Variants in SDK1 observed in about 807,000 individuals in gnomAD.
SDK1 encodes the protein sidekick cell adhesion molecule 1, also known as protein sidekick-1.
In SDK1, 157 loss-of-function variants were observed where a neutral mutation model predicts 245.5. That is an observed-to-expected ratio of 0.64 (90% CI 0.56 to 0.73). SDK1 has a LOEUF of 0.73. Among genes scored for constraint, SDK1 ranks in the 30% least tolerant of loss-of-function variants. The pLI is 0.00. For synonymous variants in SDK1, 1,647 were observed against 1,278.5 expected, an observed-to-expected ratio of 1.29 and a Z score of -6.15; for missense variants, 3,583 against 3,002.3, an observed-to-expected ratio of 1.19 and a Z score of -4.52.
At chr7:3,980,281 C>T (rs920224544) in intron 13 of SDK1, among the ~76,000 whole-genome samples, 3 of 152,236 alleles carry the variant, frequency 2.0e-5, no homozygotes, top group African/African-American at 4.8e-5. Context: ...ATCTCTCTCC[C>T]GTACTGTTGG....
rs145500628 is a variant in SDK1, at chr7:4,161,816, C to T, written c.4760C>T (p.Ala1587Val). The T allele has an allele frequency of 1.3e-3, 2,127 of 1,614,036 alleles. 3 individuals carry two copies. Among genetic ancestry groups the T allele is most frequent in the African/African-American group, 2.1e-3 (154 of 75,048 alleles). The change falls in exon 32 of 45, where the codon GCG becomes GTG. Residue 1587 changes from alanine to valine, a missense_variant. Coordinates refer to ENST00000404826, the MANE Select transcript of SDK1 (RefSeq NM_152744.4). ...GGAGAGCCCCCGGGATCTGTCTCAG[C>T]GACGCCACACACCACGTCCTCTGTC... ...VPGEPPGSVS[A>V]TPHTTSSVLI... is the part of the protein sequence containing the mutation.
At chr7:3,898,769 T>A (rs1299156208) in intron 5 of SDK1, among the ~76,000 whole-genome samples, 1 of 152,182 alleles carries the variant, frequency 6.6e-6, no homozygotes, top group Non-Finnish European at 1.5e-5. Flanking sequence ...GTCTTAGTAA[T>A]TAGAGCTCGT....
chr7:3,998,661 A>G (rs577346078), intron 14 of SDK1, among the ~76,000 whole-genome samples: 1 of 152,290 alleles, frequency 6.6e-6, no homozygotes, highest in East Asian at 1.9e-4. Context: ...CAAACCTGAA[A>G]TAATGTACTT....
intron 5 of SDK1, among the ~76,000 whole-genome samples, chr7:3,932,801 T>A (rs1019183694): frequency 7.2e-5 from 11 of 152,122 alleles, no homozygotes; most frequent in Admixed American, 2.0e-4. Context: ...TTCCCAGAGA[T>A]AGACAGGAGA....
At chr7:3,435,321 C>CTTTTTTTTTTTTTTTTTTTTTTTTTT (rs71029672) in intron 1 of SDK1, among the ~76,000 whole-genome samples, 4 of 56,898 alleles carry the variant, frequency 7.0e-5, no homozygotes, top group African/African-American at 1.8e-4. Flanking sequence ...AGGGGACTGC[C>CTTTTTTTTTTTTTTTTTTTTTTTTTT]TTTTTTTTTT....
At chr7:3,487,947 T>G (rs1781753399) in intron 1 of SDK1, among the ~76,000 whole-genome samples, 2 of 152,122 alleles carry the variant, frequency 1.3e-5, no homozygotes, top group South Asian at 2.1e-4. Flanking sequence ...TTTAAGTGTT[T>G]GTAGCATCTG....
chr7:3,692,671 G>C (rs567454671), intron 4 of SDK1, among the ~76,000 whole-genome samples: 3 of 151,174 alleles, frequency 2.0e-5, no homozygotes, highest in Admixed American at 6.6e-5. Context: ...GAATTACTTG[G>C]TCAAAGGGTA....
intron 1 of SDK1, among the ~76,000 whole-genome samples, chr7:3,392,912 C>T (rs1244077533): frequency 2.0e-5 from 3 of 149,724 alleles, no homozygotes; most frequent in Non-Finnish European, 3.0e-5. Context: ...GCAAATATTG[C>T]TCATGATGAA....
intron 3 of SDK1, among the ~76,000 whole-genome samples, chr7:3,641,350 C>A (rs1782641650): frequency 1.3e-5 from 2 of 152,090 alleles, no homozygotes; most frequent in South Asian, 2.1e-4. Context: ...TGTCCTATGA[C>A]CCCATTTTTT....
intron 4 of SDK1, among the ~76,000 whole-genome samples, chr7:3,669,781 G>A (rs1398600063): frequency 6.6e-6 from 1 of 152,148 alleles, no homozygotes; most frequent in Non-Finnish European, 1.5e-5. Flanking sequence ...TCAAACCTAT[G>A]TATTCAACAG....
intron 1 of SDK1, among the ~76,000 whole-genome samples, chr7:3,416,267 A>G (rs1192843347): frequency 1.3e-5 from 2 of 152,122 alleles, no homozygotes; most frequent in African/African-American, 4.8e-5. Flanking sequence ...CATATTACTA[A>G]AAGTTTTTGC....
At chr7:3,571,079 C>T (rs996940288) in intron 1 of SDK1, among the ~76,000 whole-genome samples, 1 of 151,942 alleles carries the variant, frequency 6.6e-6, no homozygotes, top group Non-Finnish European at 1.5e-5. Flanking sequence ...TTGAGATGTT[C>T]ATTTTTAAAA....
At position 4,026,005 on chromosome 7, in the gene SDK1, T is replaced by G. The variant is rs1211763457; in HGVS notation, c.2602+8653T>G. On this transcript the variant is annotated intron_variant, in intron 17 of 44. Transcript: ENST00000404826. This position sits in a 1 kb window ranked among gnomAD's most constrained non-coding sequence, Gnocchi z 4.1. ...CTGCTGGAAATGCTGAATCCGGGAC[T>G]GCAGCCCAGAAGGCGCATGGGGAAA... is the stretch of plus-strand genomic sequence containing the variant. Among the ~76,000 whole-genome samples, 2 of 152,222 alleles carry G rather than the reference T, an allele frequency of 1.3e-5. No individual in the cohort carries two copies. The highest frequency in any genetic ancestry group is 2.9e-5 in the Non-Finnish European group (2 of 68,042).
intron 1 of SDK1, among the ~76,000 whole-genome samples, chr7:3,432,279 C>G (rs936512254): frequency 2.0e-5 from 3 of 151,698 alleles, no homozygotes; most frequent in Non-Finnish European, 2.9e-5. Context: ...TTAGTATCAT[C>G]AAATTGGTCG....
chr7:4,017,201 C>T lies in SDK1; in HGVS notation c.2451C>T (p.Tyr817=). ...GCCTGGCTGGCCTTCCCGGAGAGTA[C>T]CAGCAGCGGAACATCACCAGCCCGG... ...RYRLAGLPGE[Y]QQRNITSPEV... Residue 817 remains tyrosine (Y), a synonymous_variant, in exon 17 of 45, where the codon TAC becomes TAT. Transcript: ENST00000404826. 1 of 1,613,410 alleles carries T rather than the reference C, an allele frequency of 6.2e-7. No individual in the cohort carries two copies. The highest frequency in any genetic ancestry group is 8.5e-7 in the Non-Finnish European group (1 of 1,179,648).
At chr7:3,574,094 A>C (rs1330629689) in intron 1 of SDK1, among the ~76,000 whole-genome samples, 1 of 151,376 alleles carries the variant, frequency 6.6e-6, no homozygotes, top group Non-Finnish European at 1.5e-5. Flanking sequence ...CTTCCTGATC[A>C]GACTAGACAT....
At chr7:4,016,833 T>C (rs1164824707) in intron 16 of SDK1, among the ~76,000 whole-genome samples, 1 of 152,148 alleles carries the variant, frequency 6.6e-6, no homozygotes, top group African/African-American at 2.4e-5. Flanking sequence ...TCAAACTGAT[T>C]TACAGCAACT....
intron 5 of SDK1, among the ~76,000 whole-genome samples, chr7:3,915,700 C>T (rs1779351000): frequency 6.6e-6 from 1 of 152,122 alleles, no homozygotes. Context: ...ACTAACCAAG[C>T]ACCCTCTGTG....
chr7:3,348,675 A>C (rs147118141), intron 1 of SDK1, among the ~76,000 whole-genome samples: 1 of 152,268 alleles, frequency 6.6e-6, no homozygotes, highest in African/African-American at 2.4e-5. Context: ...TAACCTGTGT[A>C]TGTACCCCCA....
Sources: allele counts gnomAD v4.1 joint callset (sites outside exome capture counted in the v4.1 genomes callset), GRCh38; gene constraint gnomAD v4.1.1; non-coding constraint Gnocchi (gnomAD v3.1); transcripts MANE v1.5; gene names NCBI Gene and HGNC (gene_info 2026-07-23, HGNC 2026-07-21).